Variants in SLC26A6 observed in about 807,000 individuals in gnomAD.
SLC26A6 encodes the protein anion exchange transporter.
In SLC26A6, 67 loss-of-function variants were observed where a neutral mutation model predicts 87.1. That is an observed-to-expected ratio of 0.77 (90% CI 0.63 to 0.94). The LOEUF (loss-of-function observed/expected upper bound fraction) is 0.94, where lower values mean the gene tolerates loss of function less well. Ranked by LOEUF, SLC26A6 falls within the 40% of genes least tolerant of loss-of-function variation. The probability of loss-of-function intolerance (pLI) is 0.00; values close to 1 mark genes in which losing one functional copy is unlikely to be tolerated. For synonymous variants in SLC26A6, 414 were observed against 405.9 expected (o/e 1.02, Z -0.24); for missense variants, 902 against 973.0 (o/e 0.93, Z 0.97).
intron 14 of SLC26A6, 114 bp downstream of exon 14, chr3:48,629,528 A>T: frequency 8.3e-7 from 1 of 1,201,474 alleles, no homozygotes; most frequent in Non-Finnish European, 1.2e-6. Flanking sequence ...CAAAGACCAA[A>T]GCCAAAGTAT....
At position 48,633,470 on chromosome 3, in the gene SLC26A6, G is replaced by T. The variant is rs1559470840; in HGVS notation, c.182+7C>A. 2.5e-6 allele frequency: 4 copies of T among 1,612,818 alleles called. No individual in the cohort carries two copies. Among genetic ancestry groups the T allele is most frequent in the Non-Finnish European group, 3.4e-6 (4 of 1,179,830 alleles). ...CCAGCGCCCCCAGGCCCCAATCTTGGCCTTACTGCAACCAGGTCCGCCACT... is the reference window on the plus strand; with the variant it reads ...CCAGCGCCCCCAGGCCCCAATCTTGTCCTTACTGCAACCAGGTCCGCCACT... On this transcript the variant is annotated splice_region_variant and intron_variant, in intron 2 of 20. Coordinates refer to ENST00000395550, the MANE Select transcript of SLC26A6 (RefSeq NM_022911.3).
chr3:48,626,123 A>G (rs1559463200), intron 20 of SLC26A6, 95 bp downstream of exon 20: 2 of 1,610,604 alleles, frequency 1.2e-6, no homozygotes, highest in Non-Finnish European at 1.7e-6. Context: ...GGACAGAGCC[A>G]TGGCCACCAG....
intron 17 of SLC26A6, 82 bp downstream of exon 17, chr3:48,627,864 C>T: frequency 7.4e-7 from 1 of 1,356,816 alleles, no homozygotes; most frequent in Non-Finnish European, 1.0e-6. Context: ...GCTGCTGGGT[C>T]CATGGCATTC....
At chr3:48,627,314 G>A in intron 17 of SLC26A6, 1 of 485,998 alleles carries the variant, frequency 2.1e-6, no homozygotes, top group Non-Finnish European at 3.7e-6. Flanking sequence ...CGAGAAGGGA[G>A]TCCCTGTCCC....
chr3:48,627,260 A>G, intron 17 of SLC26A6: 1 of 617,286 alleles, frequency 1.6e-6, no homozygotes, highest in South Asian at 2.0e-5. Flanking sequence ...CCAGATGTGC[A>G]TATACTGCTC....
In SLC26A6 at chr3:48,633,500, G is replaced by A. The variant is rs962039468; in HGVS notation, c.159C>T (p.Thr53=). 1.1e-5 allele frequency: 18 copies of A among 1,613,200 alleles called. No homozygotes were observed. Among genetic ancestry groups the A allele is most frequent in the Non-Finnish European group, 1.4e-5 (17 of 1,179,988 alleles). ...ELGRWGSAPR[T]HQWRTWLQCS... is the part of the protein sequence containing the mutation. ...ACTGCAACCAGGTCCGCCACTGGTG[G>A]GTCCTAGGTGCTGAGCCCCAGCGCC... Residue 53 remains threonine (T), a synonymous_variant, in exon 2 of 21, where the codon ACC becomes ACT. Coordinates refer to ENST00000395550, the MANE Select transcript of SLC26A6 (RefSeq NM_022911.3).
rs766681100 is a variant in SLC26A6, at chr3:48,626,702, G to A, written c.2074-17C>T. ...ATGGAAAATCTGTAGCGGAAAAGGGGGCCAGCCTCAGAGGGAGGCTCAGGG... is the reference window on the plus strand; with the variant it reads ...ATGGAAAATCTGTAGCGGAAAAGGGAGCCAGCCTCAGAGGGAGGCTCAGGG... On this transcript the variant is annotated splice_polypyrimidine_tract_variant and intron_variant, in intron 18 of 20. Coordinates refer to ENST00000395550, the MANE Select transcript of SLC26A6 (RefSeq NM_022911.3). 1 of 1,613,990 alleles carries A rather than the reference G, an allele frequency of 6.2e-7. No individual in the cohort carries two copies. Among genetic ancestry groups the A allele is most frequent in the Non-Finnish European group, 8.5e-7 (1 of 1,180,046 alleles).
At position 48,628,276 on chromosome 3, in the gene SLC26A6, G is replaced by A; in HGVS notation, c.1800+158C>T. 3 of 980,540 alleles carry A rather than the reference G, an allele frequency of 3.1e-6. No individual in the cohort carries two copies. The highest frequency in any genetic ancestry group is 4.9e-5 in the East Asian group (2 of 40,826). 60.7% of individuals were successfully genotyped at this position (980,540 alleles called of 1,614,324 possible). On this transcript the variant is annotated intron_variant, in intron 16 of 20. Transcript: ENST00000395550. The surrounding 1 kb of genome is among the most constrained non-coding windows in gnomAD (Gnocchi z 4.4). Reference sequence around the variant, plus strand: ...GGAGAGAAAATGCTGCCTAGAGCCCGGACCTGCTAGGGGAGTGAAGCAGGG... The same window carrying A: ...GGAGAGAAAATGCTGCCTAGAGCCCAGACCTGCTAGGGGAGTGAAGCAGGG...
At position 48,627,287 on chromosome 3, in the gene SLC26A6, G is replaced by A. The variant is rs142516627; in HGVS notation, c.1894-232C>T. The stretch of plus-strand genomic sequence containing the variant: ...ATACTGCTCTGCTACCTCCTGGGCC[G>A]ACGCTGCACAGGGACACGAGAAGGG... On this transcript the variant is annotated intron_variant, in intron 17 of 20. Coordinates refer to ENST00000395550, the MANE Select transcript of SLC26A6 (RefSeq NM_022911.3). 3,647 of 547,082 alleles carry A rather than the reference G, an allele frequency of 6.7e-3. 28 individuals carry two copies. The highest frequency in any genetic ancestry group is 0.022 in the Middle Eastern group (44 of 2,040). The allele number at this position is 547,082 out of a possible 1,614,324, so 33.9% of individuals were successfully genotyped here.
At chr3:48,627,128 G>GA in intron 17 of SLC26A6, 73 bp from the exon 18 acceptor site, 6 of 1,542,532 alleles carry the variant, frequency 3.9e-6, no homozygotes, top group Non-Finnish European at 5.3e-6. Context: ...ACAGACACGC[G>GA]AGAACACGCA....
At position 48,626,858 on chromosome 3, in the gene SLC26A6, G is replaced by A. The variant is rs764913907; in HGVS notation, c.2073+18C>T. 15 of 1,610,220 alleles carry A rather than the reference G, an allele frequency of 9.3e-6. No individual in the cohort carries two copies. In the South Asian group the frequency reaches 1.4e-4, roughly 15 times the overall value. On this transcript the variant is annotated intron_variant, in intron 18 of 20. Transcript: ENST00000395550. ...CAGTGTGGAAGCTCGAGGGGCCTTG[G>A]CCTGCCCCCGTCCTTACATTCTTCA...
In SLC26A6 at chr3:48,630,007, C is replaced by T. The variant is rs556163377; in HGVS notation, c.1423-29G>A. The T allele has an allele frequency of 4.0e-5, 64 of 1,613,904 alleles. No individual in the cohort carries two copies. The East Asian group carries it at 4.2e-4, about 11-fold the overall frequency. ...AGAACAGAGGGCAGCGGTTGGAGGG[C>T]GGCGAGGAGCCATGGGGCTGCCCAG... On this transcript the variant is annotated intron_variant, in intron 12 of 20. Coordinates refer to ENST00000395550, the MANE Select transcript of SLC26A6 (RefSeq NM_022911.3).
At chr3:48,627,249 C>A (rs1230432555) in intron 17 of SLC26A6, 194 bp from the exon 18 acceptor site, 11 of 650,048 alleles carry the variant, frequency 1.7e-5, no homozygotes, top group Non-Finnish European at 1.6e-5. Context: ...GGAGGGCACA[C>A]CCAGATGTGC....
rs905406858 is a variant in SLC26A6 at position 48,625,766 on chromosome 3, G to C, written c.*220C>G. ...ATTCCTGAGGCTAAAATATGCACCAGTTCCCTCCCTGTACCGCGCCACTGC... is the reference window on the plus strand; with the variant it reads ...ATTCCTGAGGCTAAAATATGCACCACTTCCCTCCCTGTACCGCGCCACTGC... On this transcript the variant is annotated 3_prime_UTR_variant, in exon 21 of 21. Transcript: ENST00000395550. This position sits in a 1 kb window ranked among gnomAD's most constrained non-coding sequence, Gnocchi z 4.7. 3 of 620,894 alleles carry C rather than the reference G, an allele frequency of 4.8e-6. No homozygotes were observed. In the African/African-American group the frequency reaches 5.5e-5, roughly 11 times the overall value. 38.5% of individuals were successfully genotyped at this position (620,894 alleles called of 1,614,324 possible). A position where few individuals can be genotyped will look rare whatever the true frequency, so the allele number is the denominator to read the frequency against.
rs2046777071 is a variant in SLC26A6, at chr3:48,631,089, G to A, written c.1038C>T (p.Gly346=). 1.2e-6 allele frequency: 2 copies of A among 1,613,734 alleles called. No individual in the cohort carries two copies. The highest frequency in any genetic ancestry group is 1.7e-6 in the Non-Finnish European group (2 of 1,180,034). The change falls in exon 9 of 21, where the codon GGC becomes GGT. Residue 346 remains glycine (G), a synonymous_variant. Coordinates refer to ENST00000395550, the MANE Select transcript of SLC26A6 (RefSeq NM_022911.3). ...PNTQLFSKLV[G]SAFTIAVVGF... is the part of the protein sequence containing the mutation. Reference sequence around the variant, plus strand: ...CAACCACAGCGATGGTGAAGGCGCTGCCCACGAGCTTTGAGAACAGCTGGG... The same window carrying A: ...CAACCACAGCGATGGTGAAGGCGCTACCCACGAGCTTTGAGAACAGCTGGG...
intron 7 of SLC26A6, 48 bp from the exon 8 acceptor site, chr3:48,631,354 A>G: frequency 2.0e-6 from 3 of 1,499,790 alleles, no homozygotes; most frequent in Non-Finnish European, 2.7e-6. Flanking sequence ...CACCATGGTC[A>G]GGGGGACACA....
intron 17 of SLC26A6, chr3:48,627,383 G>A (rs926479109): frequency 8.9e-5 from 28 of 315,324 alleles, no homozygotes; most frequent in Admixed American, 3.7e-4. Flanking sequence ...GAATAGACAC[G>A]GGCATCCACA....
chr3:48,632,973 C>A lies in SLC26A6; in HGVS notation c.433+1G>T. 1 of 1,612,572 alleles carries A rather than the reference C, an allele frequency of 6.2e-7. No individual in the cohort carries two copies. The highest frequency in any genetic ancestry group is 8.5e-7 in the Non-Finnish European group (1 of 1,179,454). ...GGAAGGCTAGGCCTGCCTCCACTTA[C>A]CCACGGAGATGTGCCGGGAAGTGCC... On this transcript the variant is annotated splice_donor_variant, in intron 4 of 20. Coordinates refer to ENST00000395550, the MANE Select transcript of SLC26A6 (RefSeq NM_022911.3). LOFTEE classifies it high-confidence loss of function.
rs372135199 is a variant in SLC26A6, at chr3:48,633,383, G to A, written c.190C>T (p.Arg64Cys). ...HQWRTWLQCSRARAYALLLQH... is the reference protein window; with the variant it reads ...HQWRTWLQCSCARAYALLLQH... ...AGCAGAAGGGCATAGGCCCGAGCAC[G>A]GGAGCACCTAGGGACATGATATGAG... Residue 64 changes from arginine to cysteine, a missense_variant, in exon 3 of 21, where the codon CGT becomes TGT. Transcript: ENST00000395550. 1.2e-5 allele frequency: 20 copies of A among 1,613,266 alleles called. No individual in the cohort carries two copies. Among genetic ancestry groups the A allele is most frequent in the African/African-American group, 5.3e-5 (4 of 74,936 alleles).
Sources: gnomAD v4.1 joint callset for allele counts on GRCh38, gnomAD v4.1.1 for gene constraint, Gnocchi (gnomAD v3.1) non-coding constraint, MANE v1.5 for transcripts, NCBI Gene and HGNC (gene_info 2026-07-23, HGNC 2026-07-21) for gene names.